PLAC8: variants seen among roughly 807,000 people sequenced by gnomAD.
PLAC8 encodes the protein placenta-specific gene 8 protein.
Under a neutral mutation model 12.6 loss-of-function variants are expected in PLAC8, and 6 were observed. The ratio of observed to expected loss-of-function variants is 0.48; its 90% CI spans 0.26 to 0.94. The LOEUF (loss-of-function observed/expected upper bound fraction) is 0.94, where lower values mean the gene tolerates loss of function less well. Among genes scored for constraint, PLAC8 ranks in the 40% least tolerant of loss-of-function variants. The probability of loss-of-function intolerance (pLI) is 0.14; values close to 1 mark genes in which losing one functional copy is unlikely to be tolerated. For missense variants in PLAC8, 122 were observed against 152.7 expected, an observed-to-expected ratio of 0.80 and a Z score of 1.06; for synonymous variants, 54 against 52.6, an observed-to-expected ratio of 1.03 and a Z score of -0.11.
chr4:83,112,393 T>C (rs1578747850), intron 1 of PLAC8, among the ~76,000 whole-genome samples: 1 of 152,184 alleles, frequency 6.6e-6, no homozygotes, highest in African/African-American at 2.4e-5. Flanking sequence ...ACTTCCTCTT[T>C]TGAATGTGGG....
intron 3 of PLAC8, among the ~76,000 whole-genome samples, chr4:83,102,857 C>G (rs371330751): frequency 6.6e-6 from 1 of 151,882 alleles, no homozygotes; most frequent in Non-Finnish European, 1.5e-5. Flanking sequence ...GAGGCCGAGG[C>G]GGGCGGATCA....
At chr4:83,094,268 T>C (rs919135557) in intron 4 of PLAC8, 3 of 157,078 alleles carry the variant, frequency 1.9e-5, no homozygotes, top group African/African-American at 7.2e-5. Context: ...CCACAATCAA[T>C]CCAAATATCA....
intron 3 of PLAC8, among the ~76,000 whole-genome samples, chr4:83,104,586 T>C (rs1296954546): frequency 6.6e-6 from 1 of 152,176 alleles, no homozygotes; most frequent in Non-Finnish European, 1.5e-5. Flanking sequence ...TTTACAGAGA[T>C]GATGTGAGGA....
In PLAC8 at chr4:83,099,841, CA is replaced by C. The variant is rs57432177; in HGVS notation, c.244-5051del. On this transcript the variant is annotated intron_variant, in intron 3 of 4. Coordinates refer to ENST00000311507, the MANE Select transcript of PLAC8 (RefSeq NM_016619.3). ...TGAAACCCCATCTCTACTAAAAATACAAAAAAAAAAAAAAATTAGATGGGTG... is the reference window on the plus strand; with the variant it reads ...TGAAACCCCATCTCTACTAAAAATACAAAAAAAAAAAAAATTAGATGGGTG... Among the ~76,000 whole-genome samples the C allele has an allele frequency of 1.1e-3, 141 of 132,574 alleles. 1 individual carries two copies. Among genetic ancestry groups the C allele is most frequent in the Admixed American group, 1.4e-3 (19 of 13,372 alleles). The allele number at this position is 132,574 out of a possible 152,430, so 87.0% of individuals were successfully genotyped here.
At chr4:83,093,241 T>C (rs1464865049) in intron 4 of PLAC8, 1 of 152,330 alleles carries the variant, frequency 6.6e-6, no homozygotes, top group Non-Finnish European at 1.5e-5. Context: ...CCTCTGCCTT[T>C]CTGGTGGGTT....
intron 3 of PLAC8, among the ~76,000 whole-genome samples, chr4:83,096,296 C>T (rs1379909998): frequency 6.6e-6 from 1 of 152,168 alleles, no homozygotes; most frequent in African/African-American, 2.4e-5. Context: ...GTTTCACCAC[C>T]TCAGCCTCCT....
chr4:83,097,490 G>A (rs995090657), intron 3 of PLAC8, among the ~76,000 whole-genome samples: 2 of 152,062 alleles, frequency 1.3e-5, no homozygotes, highest in Non-Finnish European at 2.9e-5. Context: ...ATGCTTTAAG[G>A]TCAAGCTGTT....
intron 2 of PLAC8, among the ~76,000 whole-genome samples, chr4:83,105,256 C>T (rs1732207793): frequency 6.6e-6 from 1 of 152,212 alleles, no homozygotes; most frequent in Non-Finnish European, 1.5e-5. Context: ...ATAGTTCTGC[C>T]TTCATTCATT....
At chr4:83,091,587 G>A (rs1413433296) in intron 4 of PLAC8, among the ~76,000 whole-genome samples, 5 of 152,142 alleles carry the variant, frequency 3.3e-5, no homozygotes, top group African/African-American at 1.2e-4. Flanking sequence ...TCTCCATTGT[G>A]GAGTTACTCC....
chr4:83,105,836 T>C (rs1732221295), intron 2 of PLAC8, among the ~76,000 whole-genome samples: 1 of 152,188 alleles, frequency 6.6e-6, no homozygotes, highest in African/African-American at 2.4e-5. Context: ...GTTTCACCAA[T>C]GCAGTCTAAT....
At chr4:83,102,365 T>A (rs1002825707) in intron 3 of PLAC8, among the ~76,000 whole-genome samples, 3 of 151,988 alleles carry the variant, frequency 2.0e-5, no homozygotes, top group African/African-American at 4.8e-5. Flanking sequence ...AAAACCCATC[T>A]CTACCAAAAA....
In PLAC8 at chr4:83,103,314, G is replaced by C. The variant is rs1732154144; in HGVS notation, c.243+1582C>G. Among the ~76,000 whole-genome samples the C allele has an allele frequency of 2.6e-5, 4 of 152,042 alleles. No homozygotes were observed. In the South Asian group the frequency reaches 8.3e-4, roughly 32 times the overall value. ...GGAGGATGAGGCAGGAGAATCGCTT[G>C]AACCTGGGAGGCGGAGGTTGCAGTG... On this transcript the variant is annotated intron_variant, in intron 3 of 4. Coordinates refer to ENST00000311507, the MANE Select transcript of PLAC8 (RefSeq NM_016619.3).
At chr4:83,106,241 TGCCCGCC>T (rs1732237430) in intron 2 of PLAC8, among the ~76,000 whole-genome samples, 1 of 151,860 alleles carries the variant, frequency 6.6e-6, no homozygotes, top group African/African-American at 2.4e-5. Context: ...CCTTGTGATC[TGCCCGCC>T]TTGGCCTCCC....
intron 1 of PLAC8, among the ~76,000 whole-genome samples, chr4:83,112,460 TG>T (rs1578747860): frequency 6.6e-6 from 1 of 152,032 alleles, no homozygotes; most frequent in African/African-American, 2.4e-5. Context: ...TGGAGCAGAA[TG>T]GGGGGCCCCA....
intron 3 of PLAC8, among the ~76,000 whole-genome samples, chr4:83,095,655 AG>A (rs1731908764): frequency 6.6e-6 from 1 of 152,162 alleles, no homozygotes; most frequent in Non-Finnish European, 1.5e-5. Flanking sequence ...CCCTAGTGGG[AG>A]GTTAACAGAT....
chr4:83,107,301 G>C (rs1732272282), intron 2 of PLAC8, among the ~76,000 whole-genome samples: 1 of 151,326 alleles, frequency 6.6e-6, no homozygotes, highest in Middle Eastern at 3.2e-3. Flanking sequence ...TTATTCTCAG[G>C]TGTGTAAAAA....
At chr4:83,104,339 A>G (rs969362943) in intron 3 of PLAC8, among the ~76,000 whole-genome samples, 33 of 151,918 alleles carry the variant, frequency 2.2e-4, no homozygotes, top group African/African-American at 7.5e-4. Flanking sequence ...ATATATATAT[A>G]TGTGTGTATA....
chr4:83,113,502 TGAG>T (rs1732469712), intron 1 of PLAC8, among the ~76,000 whole-genome samples: 1 of 152,196 alleles, frequency 6.6e-6, no homozygotes, highest in Admixed American at 6.5e-5. Context: ...AATATTTTAT[TGAG>T]TGCCAGGGTG....
chr4:83,106,535 T>C (rs11729992), intron 2 of PLAC8, among the ~76,000 whole-genome samples: 60,930 of 151,570 alleles, frequency 0.4, 12,437 homozygotes, highest in Middle Eastern at 0.47. Context: ...GAGAATCACT[T>C]GAACCAGGGA....
Sources: gnomAD v4.1 joint callset for allele counts (sites outside exome capture counted in the v4.1 genomes callset) on GRCh38, gnomAD v4.1.1 for gene constraint, MANE v1.5 for transcripts, NCBI Gene and HGNC (gene_info 2026-07-23, HGNC 2026-07-21) for gene names.